CSMD1: variants seen among roughly 807,000 people sequenced by gnomAD.
CSMD1 encodes the protein CUB and Sushi multiple domains 1.
In CSMD1, 213 loss-of-function variants were observed where a neutral mutation model predicts 417.5. The observed-to-expected ratio is 0.51, with a 90% CI of 0.46 to 0.57. CSMD1 has a LOEUF of 0.57. Ranked by LOEUF, CSMD1 falls within the 20% of genes least tolerant of loss-of-function variation. CSMD1 has a pLI of 0.00. For missense variants in CSMD1, 6,923 were observed against 4,529.7 expected (o/e 1.53, Z -15.17); for synonymous variants, 2,862 against 1,736.8 (o/e 1.65, Z -16.11).
intron 49 of CSMD1, among the ~76,000 whole-genome samples, chr8:3,060,082 G>A (rs1812491042): frequency 6.6e-6 from 1 of 151,928 alleles, no homozygotes; most frequent in Non-Finnish European, 1.5e-5. Context: ...CTCTTTCTAT[G>A]CCTTATTCAA....
intron 1 of CSMD1, among the ~76,000 whole-genome samples, chr8:4,732,895 T>C (rs955943288): frequency 3.3e-5 from 5 of 152,092 alleles, no homozygotes; most frequent in African/African-American, 1.2e-4. Flanking sequence ...CCCTAAAACA[T>C]GTCCAGCCTG....
chr8:3,618,673 CA>C (rs1443402606), intron 7 of CSMD1, among the ~76,000 whole-genome samples: 1 of 151,860 alleles, frequency 6.6e-6, no homozygotes, highest in East Asian at 1.9e-4. Flanking sequence ...AAATGACTAC[CA>C]GAAGATTAAA....
intron 5 of CSMD1, among the ~76,000 whole-genome samples, chr8:3,800,284 T>A (rs1231006818): frequency 6.6e-6 from 1 of 152,146 alleles, no homozygotes; most frequent in Non-Finnish European, 1.5e-5. Context: ...AGAAGTTTAA[T>A]GCCATGAGAA....
chr8:3,729,961 A>AT (rs1802740463), intron 6 of CSMD1, among the ~76,000 whole-genome samples: 1 of 11,416 alleles, frequency 8.8e-5, no homozygotes, highest in African/African-American at 1.6e-4. Context: ...AAAAAAAAAA[A>AT]CAAAAACAGA....
intron 5 of CSMD1, among the ~76,000 whole-genome samples, chr8:3,960,029 G>C (rs1268564789): frequency 6.6e-6 from 1 of 152,184 alleles, no homozygotes; most frequent in Non-Finnish European, 1.5e-5. Flanking sequence ...CCTTTGCAAG[G>C]AGCCTTCTGG....
At chr8:4,143,545 T>C (rs953885074) in intron 3 of CSMD1, among the ~76,000 whole-genome samples, 5 of 150,996 alleles carry the variant, frequency 3.3e-5, no homozygotes, top group African/African-American at 7.4e-5. Flanking sequence ...ATCTATATTG[T>C]ATACTTGTAA....
At chr8:4,128,337 A>G (rs1647341) in intron 3 of CSMD1, among the ~76,000 whole-genome samples, 151,313 of 152,280 alleles carry the variant, frequency 0.99, 75,182 homozygotes, top group Middle Eastern at 1. Flanking sequence ...ATGAGGAGAC[A>G]AGAACGTGAA....
chr8:3,855,783 G>C (rs34866355), intron 5 of CSMD1, among the ~76,000 whole-genome samples: 1 of 152,194 alleles, frequency 6.6e-6, no homozygotes, highest in South Asian at 2.1e-4. Context: ...TCTGAGTAAA[G>C]ACAAGCTTTC....
intron 1 of CSMD1, among the ~76,000 whole-genome samples, chr8:4,664,692 C>T (rs932095887): frequency 2.6e-5 from 4 of 152,098 alleles, no homozygotes; most frequent in Non-Finnish European, 5.9e-5. Context: ...GAGCCATACA[C>T]AGCAAAAATA....
chr8:4,728,911 G>C (rs900205824), intron 1 of CSMD1, among the ~76,000 whole-genome samples: 2 of 152,204 alleles, frequency 1.3e-5, no homozygotes, highest in African/African-American at 4.8e-5. Flanking sequence ...ATTTGTCTTT[G>C]AGCATTACAA....
chr8:3,759,419 G>C (rs371696908), intron 5 of CSMD1, among the ~76,000 whole-genome samples: 1 of 152,134 alleles, frequency 6.6e-6, no homozygotes, highest in Admixed American at 6.5e-5. Flanking sequence ...AGTGACTGAA[G>C]ATCTACCGCT....
intron 3 of CSMD1, among the ~76,000 whole-genome samples, chr8:4,118,624 C>T (rs959191417): frequency 6.6e-6 from 1 of 152,164 alleles, no homozygotes; most frequent in African/African-American, 2.4e-5. Flanking sequence ...GACTTAGGAA[C>T]ACATTTTACA....
chr8:3,760,507 T>C (rs1006439868), intron 5 of CSMD1, among the ~76,000 whole-genome samples: 1 of 152,212 alleles, frequency 6.6e-6, no homozygotes, highest in African/African-American at 2.4e-5. Flanking sequence ...CTCCTACTCA[T>C]TCTTTCATGT....
At chr8:3,498,737 CAGGT>C (rs1796469724) in intron 10 of CSMD1, among the ~76,000 whole-genome samples, 2 of 152,064 alleles carry the variant, frequency 1.3e-5, no homozygotes, top group South Asian at 4.1e-4. Context: ...ATCCTGTCTC[CAGGT>C]TCAGAAATTC....
intron 7 of CSMD1, among the ~76,000 whole-genome samples, chr8:3,674,795 G>A (rs1799288137): frequency 1.3e-5 from 2 of 152,154 alleles, no homozygotes; most frequent in African/African-American, 2.4e-5. Context: ...TCAAAGAGGT[G>A]AAACCAATTC....
intron 15 of CSMD1, 28 bp downstream of exon 15, chr8:3,405,999 G>C (rs1812320831): frequency 1.2e-6 from 2 of 1,603,418 alleles, no homozygotes; most frequent in African/African-American, 2.7e-5. Context: ...TTTCAAAGGA[G>C]AAGAGCGGGG....
intron 2 of CSMD1, among the ~76,000 whole-genome samples, chr8:4,517,977 G>GT (rs982652410): frequency 4.6e-4 from 70 of 152,152 alleles, no homozygotes; most frequent in African/African-American, 1.6e-3. Flanking sequence ...TTCTAAACCT[G>GT]TTCTATTCAA....
At chr8:4,336,019 C>T (rs1355177831) in intron 3 of CSMD1, among the ~76,000 whole-genome samples, 2 of 152,140 alleles carry the variant, frequency 1.3e-5, no homozygotes, top group Non-Finnish European at 2.9e-5. Flanking sequence ...ATTTGGTACA[C>T]TTACTTCTAG....
At chr8:3,099,029 C>T (rs1275324107) in intron 46 of CSMD1, among the ~76,000 whole-genome samples, 1 of 151,942 alleles carries the variant, frequency 6.6e-6, no homozygotes, top group Non-Finnish European at 1.5e-5. Flanking sequence ...CGACACTCCC[C>T]CCAAACCCCT....
Sources: gnomAD v4.1 joint callset for allele counts (sites outside exome capture counted in the v4.1 genomes callset) on GRCh38, gnomAD v4.1.1 for gene constraint, MANE v1.5 for transcripts, NCBI Gene and HGNC (gene_info 2026-07-23, HGNC 2026-07-21) for gene names.